The following NMUR2 variants were observed in gnomAD, a reference collection of about 807,000 sequenced individuals.
The protein encoded by NMUR2 is neuromedin U receptor 2, also known as neuromedin-U receptor 2.
NMUR2 carries 24 observed loss-of-function variants against 25.1 expected under a neutral mutation model. That is an observed-to-expected ratio of 0.96 (90% CI 0.69 to 1.34). The LOEUF is 1.34. Ranked by LOEUF, NMUR2 falls within the 40% of genes most tolerant of loss-of-function variation. NMUR2 has a pLI of 0.00. For synonymous variants in NMUR2, 218 were observed against 208.1 expected, an observed-to-expected ratio of 1.05 and a Z score of -0.41; for missense variants, 533 against 512.8, an observed-to-expected ratio of 1.04 and a Z score of -0.38.
chr5:152,398,202 T>C (rs921417441), intron 1 of NMUR2, 58 bp from the exon 2 acceptor site: 2 of 1,262,564 alleles, frequency 1.6e-6, no homozygotes, highest in Non-Finnish European at 2.3e-6. Flanking sequence ...TTCCTCCTGT[T>C]AAAATCTGAG....
In NMUR2 at chr5:152,404,889, A is replaced by ATTTAT; in HGVS notation, c.224_225insATAAA (p.Met76Ter). On this transcript the variant is annotated stop_gained and frameshift_variant, in exon 1 of 4. Transcript: ENST00000255262. LOFTEE classifies it high-confidence loss of function. The stretch of plus-strand genomic sequence containing the variant: ...GGTAGTAGTTGGTGGGCGTCTTCAT[A>ATTTAT]GCCTGGTGCTGCAGAATCACCAGGC... 1 of 1,614,110 alleles carries ATTTAT rather than the reference A, an allele frequency of 6.2e-7. No individual in the cohort carries two copies. Among genetic ancestry groups the ATTTAT allele is most frequent in the Non-Finnish European group, 8.5e-7 (1 of 1,180,022 alleles).
chr5:152,396,387 A>G (rs375125388), intron 2 of NMUR2, among the ~76,000 whole-genome samples: 1 of 152,182 alleles, frequency 6.6e-6, no homozygotes, highest in Non-Finnish European at 1.5e-5. Flanking sequence ...TGATGGGTAC[A>G]TGGGTATTCA....
Position 152,392,341 on chromosome 5 carries a change from C to G in NMUR2, c.1098G>C (p.Leu366=), listed in dbSNP as rs766084384. 3 of 1,613,886 alleles carry G rather than the reference C, an allele frequency of 1.9e-6. No homozygotes were observed. The African/African-American group carries it at 4.0e-5, about 22-fold the overall frequency. The change falls in exon 4 of 4, where the codon CTG becomes CTC. Residue 366 remains leucine, a synonymous_variant. Transcript: ENST00000255262. ...TCAGCTCCACAAAGTGGCATTCTGTCAGGAAGATGTTCCGCTGGGCAGGTG... is the reference window on the plus strand; with the variant it reads ...TCAGCTCCACAAAGTGGCATTCTGTGAGGAAGATGTTCCGCTGGGCAGGTG... The part of the protein sequence containing the change: ...QLPPAQRNIF[L]TECHFVELTE...
chr5:152,396,256 C>G (rs1385092947), intron 2 of NMUR2, among the ~76,000 whole-genome samples: 1 of 150,508 alleles, frequency 6.6e-6, no homozygotes, highest in Non-Finnish European at 1.5e-5. Context: ...GTTGTAAATA[C>G]TTTACTTTGC....
intron 2 of NMUR2, 100 bp from the exon 3 acceptor site, chr5:152,395,684 C>T: frequency 1.4e-6 from 2 of 1,413,536 alleles, no homozygotes; most frequent in Middle Eastern, 3.7e-4. Flanking sequence ...CAGTTTTTCC[C>T]TTCAACTTTG....
intron 1 of NMUR2, among the ~76,000 whole-genome samples, chr5:152,403,903 T>C (rs1214599814): frequency 6.6e-6 from 1 of 152,174 alleles, no homozygotes; most frequent in Non-Finnish European, 1.5e-5. Context: ...TGTGTTATAC[T>C]CAGACCAAGT....
intron 3 of NMUR2, 22 bp from the exon 4 acceptor site, chr5:152,392,523 A>G (rs939293625): frequency 6.3e-7 from 1 of 1,591,646 alleles, no homozygotes; most frequent in Non-Finnish European, 8.6e-7. Flanking sequence ...GGGATTTAAA[A>G]AGATGTGCTG....
intron 1 of NMUR2, 120 bp downstream of exon 1, chr5:152,404,268 C>G (rs1753308482): frequency 8.2e-7 from 1 of 1,219,060 alleles, no homozygotes; most frequent in East Asian, 2.4e-5. Context: ...TGAGCTCATT[C>G]TATTTTCCCT....
At chr5:152,393,271 C>T (rs566934655) in intron 3 of NMUR2, among the ~76,000 whole-genome samples, 14 of 152,224 alleles carry the variant, frequency 9.2e-5, no homozygotes, top group Non-Finnish European at 1.5e-4. Context: ...AATGTGATTT[C>T]CAGCCTAACC....
rs946583963 is a variant in NMUR2, at chr5:152,392,308, A to G, written c.1131T>C (p.Asp377=). 9 of 1,613,880 alleles carry G rather than the reference A, an allele frequency of 5.6e-6. No homozygotes were observed. In the Admixed American group the frequency reaches 6.7e-5, roughly 12 times the overall value. The stretch of plus-strand genomic sequence containing the variant: ...ACTGACATGGGAATTGGGGACCTAT[A>G]TCTTCGGTCAGCTCCACAAAGTGGC... The part of the protein sequence containing the change: ...TECHFVELTE[D]IGPQFPCQSS... The change falls in exon 4 of 4, where the codon GAT becomes GAC. Residue 377 remains aspartate, a synonymous_variant. Coordinates refer to ENST00000255262, the MANE Select transcript of NMUR2 (RefSeq NM_020167.5).
At chr5:152,392,648 T>A in intron 3 of NMUR2, 147 bp from the exon 4 acceptor site, 1 of 645,764 alleles carries the variant, frequency 1.5e-6, no homozygotes, top group East Asian at 2.7e-5. Flanking sequence ...TAATTGAGAA[T>A]ACAAAATGCT....
intron 1 of NMUR2, 150 bp from the exon 2 acceptor site, chr5:152,398,294 A>G: frequency 1.6e-6 from 1 of 623,934 alleles, no homozygotes; most frequent in Non-Finnish European, 2.8e-6. Context: ...GTTTAACAGT[A>G]TGTTGAAGGT....
intron 1 of NMUR2, among the ~76,000 whole-genome samples, chr5:152,399,526 T>C (rs1753219001): frequency 6.6e-6 from 1 of 152,132 alleles, no homozygotes; most frequent in Admixed American, 6.5e-5. Context: ...TCTCTGCATA[T>C]GAGGTCTGGA....
intron 2 of NMUR2, among the ~76,000 whole-genome samples, chr5:152,395,974 C>T (rs1197156874): frequency 6.6e-6 from 1 of 151,842 alleles, no homozygotes; most frequent in South Asian, 2.1e-4. Context: ...TCTCTGAATT[C>T]AATAATTTAA....
intron 1 of NMUR2, among the ~76,000 whole-genome samples, chr5:152,404,117 T>C (rs572832443): frequency 1.3e-5 from 2 of 152,324 alleles, no homozygotes; most frequent in South Asian, 4.1e-4. Flanking sequence ...GTTTTCTGCA[T>C]GATTCTTAGG....
chr5:152,393,868 C>T (rs1753102605), intron 3 of NMUR2, among the ~76,000 whole-genome samples: 1 of 152,032 alleles, frequency 6.6e-6, no homozygotes, highest in South Asian at 2.1e-4. Context: ...CATAAGTATT[C>T]AGGGGCAGGA....
Position 152,395,564 on chromosome 5 carries a change from C to G in NMUR2, c.832G>C (p.Ala278Pro). Residue 278 changes from alanine (A) to proline (P), a missense_variant, in exon 3 of 4, where the codon GCT becomes CCT. Transcript: ENST00000255262. ...KMLFVLVLVFAICWAPFHIDR... is the reference protein window; with the variant it reads ...KMLFVLVLVFPICWAPFHIDR... ...ATGTGGAACGGGGCCCAACAGATAG[C>G]AAACACTAAGACCAAGACAACTGAA... 6.2e-7 allele frequency: 1 copy of G among 1,613,480 alleles called. No individual in the cohort carries two copies. Among genetic ancestry groups the G allele is most frequent in the Non-Finnish European group, 8.5e-7 (1 of 1,179,752 alleles).
At chr5:152,404,118 G>T (rs1483820469) in intron 1 of NMUR2, among the ~76,000 whole-genome samples, 2 of 152,162 alleles carry the variant, frequency 1.3e-5, no homozygotes, top group Admixed American at 6.5e-5. Flanking sequence ...TTTTCTGCAT[G>T]ATTCTTAGGA....
chr5:152,395,594 G>A lies in NMUR2; in HGVS notation c.812-10C>T, dbSNP rs1753134761. The stretch of plus-strand genomic sequence containing the variant: ...ACTAAGACCAAGACAACTGAAAATG[G>A]ATGATAAATGGGAGACCAGAAGACA... On this transcript the variant is annotated splice_polypyrimidine_tract_variant and intron_variant, in intron 2 of 3. Coordinates refer to ENST00000255262, the MANE Select transcript of NMUR2 (RefSeq NM_020167.5). 4 of 1,612,772 alleles carry A rather than the reference G, an allele frequency of 2.5e-6. No individual in the cohort carries two copies. The highest frequency in any genetic ancestry group is 3.3e-5 in the Admixed American group (2 of 59,810).
Sources: gnomAD v4.1 joint callset for allele counts (sites outside exome capture counted in the v4.1 genomes callset) on GRCh38, gnomAD v4.1.1 for gene constraint, MANE v1.5 for transcripts, NCBI Gene and HGNC (gene_info 2026-07-23, HGNC 2026-07-21) for gene names.